Variants in CHSY1 observed in about 807,000 individuals in gnomAD.
CHSY1 encodes the protein chondroitin sulfate synthase 1, also known as N-acetylgalactosaminyl-proteoglycan 3-beta-glucuronosyltransferase 1.
CHSY1 carries 13 observed loss-of-function variants against 59.8 expected under a neutral mutation model. The ratio of observed to expected loss-of-function variants is 0.22; its 90% confidence interval spans 0.14 to 0.35. The LOEUF (loss-of-function observed/expected upper bound fraction) is 0.35. Ranked by LOEUF, CHSY1 falls within the 10% of genes least tolerant of loss-of-function variation. The probability of loss-of-function intolerance (pLI) is 1.00; values close to 1 mark genes in which losing one functional copy is unlikely to be tolerated. For synonymous variants in CHSY1, 459 were observed against 401.2 expected, an observed-to-expected ratio of 1.14 and a Z score of -1.72; for missense variants, 947 against 1,030.6, an observed-to-expected ratio of 0.92 and a Z score of 1.11.
At chr15:101,237,244 A>C (rs944309597) in intron 1 of CHSY1, among the ~76,000 whole-genome samples, 2 of 151,426 alleles carry the variant, frequency 1.3e-5, no homozygotes, top group African/African-American at 4.8e-5. Flanking sequence ...AAAAAAAAAA[A>C]AAAACAGAGG....
chr15:101,212,894 A>C (rs1233602244), intron 2 of CHSY1, among the ~76,000 whole-genome samples: 1 of 152,248 alleles, frequency 6.6e-6, no homozygotes, highest in Admixed American at 6.5e-5. Flanking sequence ...ATATGTAATA[A>C]AGCAAGTATA....
intron 2 of CHSY1, among the ~76,000 whole-genome samples, chr15:101,227,083 T>G (rs1013050788): frequency 6.6e-5 from 10 of 152,198 alleles, no homozygotes; most frequent in African/African-American, 2.2e-4. Flanking sequence ...ATCCAGACAG[T>G]ATTTATGCAA....
intron 2 of CHSY1, among the ~76,000 whole-genome samples, chr15:101,196,773 C>CA (rs1390668228): frequency 6.6e-6 from 1 of 152,186 alleles, no homozygotes; most frequent in East Asian, 1.9e-4. Context: ...CCTATAATCC[C>CA]AGCACTTTGG....
At chr15:101,241,072 G>A (rs1219843502) in intron 1 of CHSY1, among the ~76,000 whole-genome samples, 1 of 152,160 alleles carries the variant, frequency 6.6e-6, no homozygotes, top group Non-Finnish European at 1.5e-5. Context: ...TTTTTGGATG[G>A]GAAAACCAGA....
chr15:101,234,420 T>A (rs754424073), intron 2 of CHSY1, among the ~76,000 whole-genome samples: 1 of 152,206 alleles, frequency 6.6e-6, no homozygotes, highest in Non-Finnish European at 1.5e-5. Context: ...AATAGGGAGA[T>A]ATCCTACATT....
chr15:101,249,510 A>ACT (rs1567111382), intron 1 of CHSY1, among the ~76,000 whole-genome samples: 1 of 113,064 alleles, frequency 8.8e-6, no homozygotes, highest in Non-Finnish European at 1.7e-5. Flanking sequence ...GATAGATAGA[A>ACT]TTTTTTTTTT....
intron 2 of CHSY1, among the ~76,000 whole-genome samples, chr15:101,212,151 G>A (rs1317533231): frequency 6.6e-6 from 1 of 152,148 alleles, no homozygotes; most frequent in Non-Finnish European, 1.5e-5. Flanking sequence ...AACCATAAAA[G>A]ACTGAGAATG....
At chr15:101,195,507 CA>C (rs1217397759) in intron 2 of CHSY1, among the ~76,000 whole-genome samples, 1 of 152,202 alleles carries the variant, frequency 6.6e-6, no homozygotes, top group Non-Finnish European at 1.5e-5. Context: ...CCGAAAGCTA[CA>C]AACTTTTTAT....
chr15:101,225,802 T>C (rs1304635479), intron 2 of CHSY1, among the ~76,000 whole-genome samples: 1 of 152,240 alleles, frequency 6.6e-6, no homozygotes, highest in East Asian at 1.9e-4. Flanking sequence ...GAGAACGGAC[T>C]AACACGCCAG....
In CHSY1 at chr15:101,196,243, A is replaced by AC. The variant is rs1216812027; in HGVS notation, c.817-17264_817-17263insG. Among the ~76,000 whole-genome samples the AC allele has an allele frequency of 1.1e-3, 171 of 152,146 alleles. 2 individuals are homozygous for AC. The East Asian group carries it at 0.027, about 24-fold the overall frequency. ...AGAAGCAGTCTCAAAAAAAAAAAAA[A>AC]AAACATATATGTAAAATAAGCATAC... On this transcript the variant is annotated intron_variant, in intron 2 of 2. Coordinates refer to ENST00000254190, the MANE Select transcript of CHSY1 (RefSeq NM_014918.5).
intron 2 of CHSY1, among the ~76,000 whole-genome samples, chr15:101,201,041 A>G (rs950433004): frequency 2.6e-5 from 4 of 151,672 alleles, no homozygotes; most frequent in African/African-American, 9.7e-5. Context: ...CACCTTCTGA[A>G]ACACAATATC....
chr15:101,184,694 G>A (rs1387258064), intron 2 of CHSY1, among the ~76,000 whole-genome samples: 1 of 152,080 alleles, frequency 6.6e-6, no homozygotes, highest in Non-Finnish European at 1.5e-5. Context: ...AAGATAAAAA[G>A]GTGTGTGTGA....
intron 2 of CHSY1, among the ~76,000 whole-genome samples, chr15:101,189,087 G>C (rs1479927808): frequency 6.6e-6 from 1 of 152,264 alleles, no homozygotes; most frequent in Non-Finnish European, 1.5e-5. Context: ...GTACCAGGCA[G>C]TGAAAGCCCA....
intron 2 of CHSY1, among the ~76,000 whole-genome samples, chr15:101,232,560 T>C (rs745361438): frequency 6.6e-6 from 1 of 152,204 alleles, no homozygotes; most frequent in Non-Finnish European, 1.5e-5. Context: ...GAAAACATAT[T>C]CGTGACCTAA....
At chr15:101,208,776 G>A (rs937044227) in intron 2 of CHSY1, among the ~76,000 whole-genome samples, 3 of 151,196 alleles carry the variant, frequency 2.0e-5, no homozygotes, top group African/African-American at 7.3e-5. Flanking sequence ...CACGTCTAAG[G>A]TGATGTAAAC....
At chr15:101,212,251 CA>C (rs2038689094) in intron 2 of CHSY1, among the ~76,000 whole-genome samples, 1 of 152,174 alleles carries the variant, frequency 6.6e-6, no homozygotes, top group African/African-American at 2.4e-5. Context: ...GGAAAAAACA[CA>C]TGGCAGTTTC....
intron 2 of CHSY1, among the ~76,000 whole-genome samples, chr15:101,218,102 T>C (rs1329699905): frequency 6.6e-6 from 1 of 152,032 alleles, no homozygotes; most frequent in Non-Finnish European, 1.5e-5. Flanking sequence ...CAAATCCGAA[T>C]AGAGGAAAAT....
At chr15:101,234,932 T>G in intron 2 of CHSY1, 150 bp downstream of exon 2, 1 of 889,970 alleles carries the variant, frequency 1.1e-6, no homozygotes, top group East Asian at 2.6e-5. Flanking sequence ...GGAACTGAAT[T>G]TTTTTTTTAA....
At chr15:101,226,153 T>A (rs1448981022) in intron 2 of CHSY1, among the ~76,000 whole-genome samples, 1 of 152,214 alleles carries the variant, frequency 6.6e-6, no homozygotes, top group South Asian at 2.1e-4. Flanking sequence ...AAGACTACAA[T>A]GTTACTACAA....
Sources: gnomAD v4.1 joint callset for allele counts (sites outside exome capture counted in the v4.1 genomes callset) on GRCh38, gnomAD v4.1.1 for gene constraint, MANE v1.5 for transcripts, NCBI Gene and HGNC (gene_info 2026-07-23, HGNC 2026-07-21) for gene names.